The following NDNF variants were observed in gnomAD, a reference collection of about 807,000 sequenced individuals.
NDNF encodes neuron derived neurotrophic factor, also known as protein NDNF.
In NDNF, 16 loss-of-function variants were observed where a neutral mutation model predicts 42.0. The ratio of observed to expected loss-of-function variants is 0.38; its 90% CI spans 0.26 to 0.58. NDNF has a LOEUF of 0.58. NDNF is among the 20% of genes least tolerant of loss of function. The pLI, the probability that NDNF is intolerant of heterozygous loss-of-function variation, is 0.67. For synonymous variants in NDNF, 248 were observed against 251.7 expected, an observed-to-expected ratio of 0.99 and a Z score of 0.14; for missense variants, 616 against 666.2, an observed-to-expected ratio of 0.92 and a Z score of 0.83.
intron 1 of NDNF, among the ~76,000 whole-genome samples, chr4:121,055,794 A>G (rs563092852): frequency 1.3e-5 from 2 of 152,090 alleles, no homozygotes; most frequent in African/African-American, 4.8e-5. Flanking sequence ...AGAGAAAGGC[A>G]ATACATACAC....
At chr4:121,056,474 C>T (rs2148769254) in intron 1 of NDNF, among the ~76,000 whole-genome samples, 1 of 152,290 alleles carries the variant, frequency 6.6e-6, no homozygotes, top group South Asian at 2.1e-4. Context: ...TGGATCAAAT[C>T]GAACCATCAC....
intron 1 of NDNF, among the ~76,000 whole-genome samples, chr4:121,048,696 C>T (rs1348865035): frequency 3.3e-5 from 5 of 151,890 alleles, no homozygotes; most frequent in Non-Finnish European, 5.9e-5. Flanking sequence ...AAATTAGCTG[C>T]GTGTGGTGGT....
intron 1 of NDNF, among the ~76,000 whole-genome samples, chr4:121,056,335 G>C (rs1188353402): frequency 1.3e-5 from 2 of 152,204 alleles, no homozygotes; most frequent in African/African-American, 4.8e-5. Context: ...AGGCTAGAGA[G>C]AGTAAGGAAG....
chr4:121,070,049 GACAGTA>G (rs1311115122), intron 1 of NDNF, among the ~76,000 whole-genome samples: 1 of 152,104 alleles, frequency 6.6e-6, no homozygotes, highest in African/African-American at 2.4e-5. Flanking sequence ...GTGGTAAAAC[GACAGTA>G]TCTTTTTTGA....
At chr4:121,052,879 G>A (rs1727223516) in intron 1 of NDNF, among the ~76,000 whole-genome samples, 2 of 152,162 alleles carry the variant, frequency 1.3e-5, no homozygotes, top group Admixed American at 1.3e-4. Context: ...AGGAAATACA[G>A]CATATTATGG....
At chr4:121,048,604 C>T (rs1727134420) in intron 1 of NDNF, among the ~76,000 whole-genome samples, 1 of 152,170 alleles carries the variant, frequency 6.6e-6, no homozygotes, top group South Asian at 2.1e-4. Context: ...CTTTGGGAGG[C>T]CAAGGCAGGT....
intron 1 of NDNF, among the ~76,000 whole-genome samples, chr4:121,050,618 T>C (rs1161702531): frequency 6.6e-6 from 1 of 152,134 alleles, no homozygotes; most frequent in East Asian, 1.9e-4. Context: ...TTGCACAGTA[T>C]CCACAACCCA....
At chr4:121,057,093 G>GATATATATCAGT (rs1553925080) in intron 1 of NDNF, among the ~76,000 whole-genome samples, 1 of 152,110 alleles carries the variant, frequency 6.6e-6, no homozygotes, top group Non-Finnish European at 1.5e-5. Context: ...GTGGATAAGA[G>GATATATATCAGT]GGATGAAAAA....
chr4:121,055,240 T>A (rs1560607841), intron 1 of NDNF, among the ~76,000 whole-genome samples: 1 of 152,188 alleles, frequency 6.6e-6, no homozygotes, highest in Non-Finnish European at 1.5e-5. Context: ...GAAAACAACT[T>A]CATCTTTCTG....
rs1726895291 is a variant in NDNF at position 121,037,403 on chromosome 4, T to C, written c.568A>G (p.Thr190Ala). The change falls in exon 4 of 4, where the codon ACC (threonine) becomes GCC (alanine). Residue 190 changes from threonine to alanine, a missense_variant. Coordinates refer to ENST00000379692, the MANE Select transcript of NDNF (RefSeq NM_024574.4). ...PRVDVTSLGR[T>A]TVTLAWKPSP... ...GGTTTCCAGGCCAAAGTGACCGTGG[T>C]GCGCCCCAGTGAGGTCACATCTACT... The C allele has an allele frequency of 6.2e-7, 1 of 1,614,028 alleles. No homozygotes were observed. Among genetic ancestry groups the C allele is most frequent in the African/African-American group, 1.3e-5 (1 of 74,912 alleles).
rs369853231 is a variant in NDNF at position 121,038,608 on chromosome 4, T to C, written c.314-951A>G. The stretch of plus-strand genomic sequence containing the variant: ...ACAGTGAGAAGAAACCTTTTCCAGC[T>C]TATCATTGCAGGTTGAAAGTGAGCT... On this transcript the variant is annotated intron_variant, in intron 3 of 3. Coordinates refer to ENST00000379692, the MANE Select transcript of NDNF (RefSeq NM_024574.4). 1.4e-4 allele frequency among the ~76,000 whole-genome samples: 21 copies of C among 152,204 alleles called. No homozygotes were observed. The East Asian group carries it at 3.5e-3, about 25-fold the overall frequency.
intron 3 of NDNF, chr4:121,037,895 T>C: frequency 2.6e-6 from 1 of 382,990 alleles, no homozygotes; most frequent in East Asian, 3.9e-5. Flanking sequence ...ATCCAATTAG[T>C]AAAAATTTTA....
chr4:121,049,654 A>G (rs919877496), intron 1 of NDNF, among the ~76,000 whole-genome samples: 5 of 152,216 alleles, frequency 3.3e-5, no homozygotes, highest in Admixed American at 2.6e-4. Flanking sequence ...GCTTCTATTT[A>G]TTAAACTATT....
intron 1 of NDNF, among the ~76,000 whole-genome samples, chr4:121,049,946 T>A (rs903442757): frequency 3.9e-5 from 6 of 152,242 alleles, no homozygotes; most frequent in Non-Finnish European, 5.9e-5. Context: ...ACAAATATTA[T>A]CTAATAACAT....
At chr4:121,048,383 C>T (rs973430659) in intron 1 of NDNF, among the ~76,000 whole-genome samples, 1 of 152,216 alleles carries the variant, frequency 6.6e-6, no homozygotes, top group African/African-American at 2.4e-5. Flanking sequence ...CTGCCAACCA[C>T]GGTGCCACAG....
At chr4:121,059,797 G>T (rs1224868395) in intron 1 of NDNF, among the ~76,000 whole-genome samples, 2 of 152,174 alleles carry the variant, frequency 1.3e-5, no homozygotes, top group Non-Finnish European at 2.9e-5. Flanking sequence ...GGTTCAACAG[G>T]TCAGGGGTAA....
Position 121,037,137 on chromosome 4 carries a change from A to T in NDNF, c.834T>A (p.Arg278=). 6.2e-7 allele frequency: 1 copy of T among 1,613,972 alleles called. No homozygotes were observed. Among genetic ancestry groups the T allele is most frequent in the Non-Finnish European group, 8.5e-7 (1 of 1,180,014 alleles). ...FQAKPSPKLG[R]HVYSRPKVDI... ...CAACCTTGGGCCTGGAGTAGACATGACGCCCCAGTTTTGGAGAAGGCTTTG... is the reference window on the plus strand; with the variant it reads ...CAACCTTGGGCCTGGAGTAGACATGTCGCCCCAGTTTTGGAGAAGGCTTTG... The change falls in exon 4 of 4, where the codon CGT becomes CGA. Residue 278 remains arginine (R), a synonymous_variant. Coordinates refer to ENST00000379692, the MANE Select transcript of NDNF (RefSeq NM_024574.4).
intron 1 of NDNF, among the ~76,000 whole-genome samples, chr4:121,069,409 A>G (rs1239192188): frequency 6.6e-6 from 1 of 152,240 alleles, no homozygotes; most frequent in African/African-American, 2.4e-5. Context: ...CTGTATCTGC[A>G]AGTGATTAAA....
intron 1 of NDNF, among the ~76,000 whole-genome samples, chr4:121,065,795 T>A (rs1319815439): frequency 6.6e-6 from 1 of 152,044 alleles, no homozygotes; most frequent in African/African-American, 2.4e-5. Flanking sequence ...CCTTCTAAAA[T>A]GTTGTCTTAA....
Sources: allele counts gnomAD v4.1 joint callset (sites outside exome capture counted in the v4.1 genomes callset), GRCh38; gene constraint gnomAD v4.1.1; transcripts MANE v1.5; gene names NCBI Gene and HGNC (gene_info 2026-07-23, HGNC 2026-07-21).